The following TAF3 variants were observed in gnomAD, a reference collection of about 807,000 sequenced individuals.
TAF3 encodes TATA-box binding protein associated factor 3, also known as transcription initiation factor TFIID subunit 3.
A neutral mutation model predicts 80.6 loss-of-function variants in TAF3; 7 were observed. That is an observed-to-expected ratio of 0.09 (90% CI 0.05 to 0.16). The LOEUF (loss-of-function observed/expected upper bound fraction) is 0.16, where lower values mean the gene tolerates loss of function less well. TAF3 is among the 10% of genes least tolerant of loss of function. The pLI is 1.00. For synonymous variants in TAF3, 444 were observed against 446.1 expected, an observed-to-expected ratio of 1.00 and a Z score of 0.06; for missense variants, 921 against 1,140.2, an observed-to-expected ratio of 0.81 and a Z score of 2.77.
Position 7,827,832 on chromosome 10 carries a change from G to A in TAF3, c.409+3272G>A, listed in dbSNP as rs568209505. Among the ~76,000 whole-genome samples the A allele has an allele frequency of 6.6e-5, 10 of 151,214 alleles. No individual in the cohort carries two copies. In the South Asian group the frequency reaches 1.5e-3, roughly 22 times the overall value. ...AACTTAGCTGGGCATGGTGGTGCAC[G>A]CTTGTAGTCCCAGCTATCAGAGTCT... On this transcript the variant is annotated intron_variant, in intron 2 of 6. Transcript: ENST00000344293.
chr10:8,003,675 C>T (rs1588347042), intron 4 of TAF3, among the ~76,000 whole-genome samples: 1 of 152,086 alleles, frequency 6.6e-6, no homozygotes, highest in African/African-American at 2.4e-5. Context: ...CACCATTATC[C>T]AAAAAATCTT....
chr10:7,964,403 C>A lies in TAF3; in HGVS notation c.893C>A (p.Pro298His). The A allele has an allele frequency of 6.2e-7, 1 of 1,614,026 alleles. No individual in the cohort carries two copies. Among genetic ancestry groups the A allele is most frequent in the East Asian group, 2.2e-5 (1 of 44,884 alleles). Residue 298 changes from proline (P) to histidine (H), a missense_variant, in exon 3 of 7, where the codon CCT becomes CAT. This residue lies in a region of TAF3 where 743 missense variants were observed against 821.0 expected (regional missense o/e 0.90). Transcript: ENST00000344293. This position sits in a 1 kb window ranked among gnomAD's most constrained non-coding sequence, Gnocchi z 4.1. ...CAGTCACCAGCAATGGTCGGAAGTC[C>A]TATTCGATCACCAAAAACTGTATCC... ...TAQSPAMVGS[P>H]IRSPKTVSKE... is the part of the protein sequence containing the mutation.
intron 4 of TAF3, among the ~76,000 whole-genome samples, chr10:8,008,090 A>G (rs1832014497): frequency 7.7e-6 from 1 of 130,434 alleles, no homozygotes; most frequent in Admixed American, 8.6e-5. Context: ...TCTGGGAACA[A>G]TCTTTTTTTT....
At chr10:7,963,275 C>T (rs1450906835) in intron 2 of TAF3, among the ~76,000 whole-genome samples, 2 of 152,104 alleles carry the variant, frequency 1.3e-5, no homozygotes, top group East Asian at 3.8e-4. Context: ...TGTGTGGGTG[C>T]GCACGTGTGC....
At chr10:7,848,663 G>T (rs762206160) in intron 2 of TAF3, among the ~76,000 whole-genome samples, 3 of 152,166 alleles carry the variant, frequency 2.0e-5, no homozygotes, top group Non-Finnish European at 4.4e-5. Flanking sequence ...AAATGAAGTT[G>T]TTAGTGTTTT....
intron 2 of TAF3, among the ~76,000 whole-genome samples, chr10:7,842,939 A>G (rs1273871675): frequency 2.6e-5 from 4 of 152,232 alleles, no homozygotes; most frequent in Non-Finnish European, 5.9e-5. Flanking sequence ...CTTACAGTAC[A>G]GTAAATATAT....
At chr10:7,996,197 A>G (rs1175007276) in intron 4 of TAF3, among the ~76,000 whole-genome samples, 2 of 152,126 alleles carry the variant, frequency 1.3e-5, no homozygotes, top group Non-Finnish European at 2.9e-5. Context: ...TCTGTCTGCA[A>G]GCTGGTGACT....
intron 2 of TAF3, among the ~76,000 whole-genome samples, chr10:7,901,504 C>T (rs1444331374): frequency 6.6e-6 from 1 of 152,174 alleles, no homozygotes; most frequent in Non-Finnish European, 1.5e-5. Flanking sequence ...AACTACTTTC[C>T]TTTGAAATTG....
chr10:7,925,280 TGG>T (rs1346222743), intron 2 of TAF3, among the ~76,000 whole-genome samples: 2 of 152,258 alleles, frequency 1.3e-5, no homozygotes, highest in African/African-American at 2.4e-5. Flanking sequence ...GACATGTGTG[TGG>T]ACCCTCTGGC....
chr10:7,938,950 A>G (rs1290977450), intron 2 of TAF3, among the ~76,000 whole-genome samples: 2 of 152,222 alleles, frequency 1.3e-5, no homozygotes, highest in African/African-American at 2.4e-5. Context: ...TAAAAAATGT[A>G]TAAAGCCGTA....
intron 2 of TAF3, among the ~76,000 whole-genome samples, chr10:7,932,375 G>A (rs1364484918): frequency 6.6e-6 from 1 of 152,198 alleles, no homozygotes; most frequent in Non-Finnish European, 1.5e-5. Context: ...ACTAGCTAGT[G>A]TTCCAGCAGA....
rs544760543 is a variant in TAF3, at chr10:7,894,361, C to G, written c.410-69559C>G. On this transcript the variant is annotated intron_variant, in intron 2 of 6. Transcript: ENST00000344293. ...GGTAGACAAGTATTATACAGAACAT[C>G]AAAATCCATCAAGTACTCGTTGCCT... Among the ~76,000 whole-genome samples the G allele has an allele frequency of 5.9e-5, 9 of 152,256 alleles. No individual in the cohort carries two copies. In the East Asian group the frequency reaches 1.7e-3, roughly 29 times the overall value.
rs150548375 is a variant in TAF3, at chr10:7,971,994, T to C, written c.2233-5247T>C. On this transcript the variant is annotated intron_variant, in intron 3 of 6. Coordinates refer to ENST00000344293, the MANE Select transcript of TAF3 (RefSeq NM_031923.4). ...ATATTGCTGGACTTTACCTCTTTGG[T>C]GAATTGGGAAGCTTAGTAATCCACT... 2.4e-3 allele frequency among the ~76,000 whole-genome samples: 367 copies of C among 152,308 alleles called. 1 individual carries two copies. The highest frequency in any genetic ancestry group is 3.8e-3 in the Non-Finnish European group (258 of 68,030).
At chr10:7,985,760 C>CAGAA (rs1831769951) in intron 4 of TAF3, among the ~76,000 whole-genome samples, 1 of 150,292 alleles carries the variant, frequency 6.7e-6, no homozygotes, top group South Asian at 2.1e-4. Context: ...ACGCTAGACT[C>CAGAA]AGTCTCTCAT....
rs778164340 is a variant in TAF3, at chr10:7,824,271, C to T, written c.167-47C>T. On this transcript the variant is annotated intron_variant, in intron 1 of 6. Transcript: ENST00000344293. ...TTTTCTTAATATTTAAAAATATATTCGTGGGATTTCTTCAAATAATTTGAT... is the reference window on the plus strand; with the variant it reads ...TTTTCTTAATATTTAAAAATATATTTGTGGGATTTCTTCAAATAATTTGAT... The T allele has an allele frequency of 6.4e-6, 10 of 1,568,166 alleles. No homozygotes were observed. The East Asian group carries it at 6.8e-5, about 11-fold the overall frequency.
intron 4 of TAF3, among the ~76,000 whole-genome samples, chr10:7,981,110 A>G (rs1310031932): frequency 2.0e-5 from 3 of 152,354 alleles, no homozygotes; most frequent in South Asian, 2.1e-4. Context: ...AAAAGGTGAA[A>G]CACTGGTAAA....
chr10:7,967,893 G>A (rs771068739), intron 3 of TAF3, among the ~76,000 whole-genome samples: 20 of 152,080 alleles, frequency 1.3e-4, no homozygotes, highest in Non-Finnish European at 2.2e-4. Flanking sequence ...GCATTCTTTG[G>A]AATATTAGCC....
chr10:7,911,686 G>C (rs556505109), intron 2 of TAF3, among the ~76,000 whole-genome samples: 2 of 152,182 alleles, frequency 1.3e-5, no homozygotes, highest in Non-Finnish European at 2.9e-5. Flanking sequence ...CTCATGTTGT[G>C]TATTTTAAAA....
chr10:7,983,323 G>A (rs1213153034), intron 4 of TAF3, among the ~76,000 whole-genome samples: 1 of 152,228 alleles, frequency 6.6e-6, no homozygotes, highest in Non-Finnish European at 1.5e-5. Context: ...ACCAGAATAA[G>A]GGGCAAGAGG....
Sources: gnomAD v4.1 joint callset for allele counts (sites outside exome capture counted in the v4.1 genomes callset) on GRCh38, gnomAD v4.1.1 for gene constraint, gnomAD v4.1.1 regional missense constraint, Gnocchi (gnomAD v3.1) non-coding constraint, MANE v1.5 for transcripts, NCBI Gene and HGNC (gene_info 2026-07-23, HGNC 2026-07-21) for gene names.